Variants in MTA3 observed in about 807,000 individuals in gnomAD.
The protein encoded by MTA3 is metastasis-associated protein MTA3.
Under a neutral mutation model 83.5 loss-of-function variants are expected in MTA3, and 34 were observed. That is an observed-to-expected ratio of 0.41 (90% CI 0.31 to 0.54). The LOEUF is 0.54. Ranked by LOEUF, MTA3 falls within the 20% of genes least tolerant of loss-of-function variation. The probability of loss-of-function intolerance (pLI) is 0.33; values close to 1 mark genes in which losing one functional copy is unlikely to be tolerated. For synonymous variants in MTA3, 303 were observed against 252.7 expected (o/e 1.20, Z -1.89); for missense variants, 761 against 726.4 (o/e 1.05, Z -0.55).
chr2:42,600,550 G>A (rs565333310), intron 3 of MTA3, among the ~76,000 whole-genome samples: 3 of 142,588 alleles, frequency 2.1e-5, no homozygotes, highest in Non-Finnish European at 4.6e-5. Context: ...ATGTTTCTTT[G>A]TTTTGTTTTG....
intron 2 of MTA3, among the ~76,000 whole-genome samples, chr2:42,532,569 T>C (rs1022997010): frequency 6.6e-5 from 10 of 152,166 alleles, no homozygotes; most frequent in African/African-American, 2.2e-4. Context: ...CAGTAATTTG[T>C]TGCACAATAA....
At chr2:42,563,803 C>G (rs1032004475), upstream of MTA3, among the ~76,000 whole-genome samples, 30 of 148,002 alleles carry the variant, frequency 2.0e-4, no homozygotes, top group African/African-American at 7.3e-4. Flanking sequence ...TTCCTTCCTT[C>G]CTTCCTTCCT....
intron 7 of MTA3, among the ~76,000 whole-genome samples, chr2:42,657,026 A>G (rs1689233607): frequency 6.6e-6 from 1 of 151,862 alleles, no homozygotes; most frequent in African/African-American, 2.4e-5. Context: ...GTACAAAACT[A>G]TTTTATTAGT....
At chr2:42,712,346 G>A (rs933375631) in intron 14 of MTA3, among the ~76,000 whole-genome samples, 5 of 151,796 alleles carry the variant, frequency 3.3e-5, no homozygotes, top group Non-Finnish European at 7.4e-5. Flanking sequence ...CCCATGCTCT[G>A]GAGTGCAGTG....
Position 42,541,059 on chromosome 2 carries a change from T to G in MTA3, c.-140-29378T>G, listed in dbSNP as rs1359239843. Among the ~76,000 whole-genome samples the G allele has an allele frequency of 3.3e-5, 5 of 151,710 alleles. No individual in the cohort carries two copies. In the East Asian group the frequency reaches 7.8e-4, roughly 24 times the overall value. ...TTTTTTTTTTTTTTTGAGATGGAGT[T>G]TTGCTCTTGTTGCCCAGGCTGGAGT... On this transcript the variant is annotated intron_variant, in intron 2 of 17. Coordinates refer to the MTA3 transcript ENST00000405592.
At chr2:42,542,774 C>G (rs930396740) in intron 2 of MTA3, among the ~76,000 whole-genome samples, 1 of 151,948 alleles carries the variant, frequency 6.6e-6, no homozygotes, top group Non-Finnish European at 1.5e-5. Flanking sequence ...CCAGGCTGGT[C>G]TCAAACACCT....
Position 42,618,470 on chromosome 2 carries a change from T to TA in MTA3, c.317+8887dup, listed in dbSNP as rs1415383382. ...GTATGTTAAAAATTTTAAATAAACT[T>TA]ATGTGTATTTTCTGGTCATAAAAAC... is the stretch of plus-strand genomic sequence containing the variant. On this transcript the variant is annotated intron_variant, in intron 4 of 16. Transcript: ENST00000405094. Among the ~76,000 whole-genome samples the TA allele has an allele frequency of 3.3e-5, 5 of 152,316 alleles. No individual in the cohort carries two copies. In the East Asian group the frequency reaches 9.6e-4, roughly 29 times the overall value.
At chr2:42,605,875 TG>T (rs1221953734) in intron 3 of MTA3, among the ~76,000 whole-genome samples, 1 of 121,932 alleles carries the variant, frequency 8.2e-6, no homozygotes. Context: ...ACGGGGCGGT[TG>T]GCCGGGCAGA....
chr2:42,614,259 G>A (rs565455642), intron 4 of MTA3: 23 of 151,950 alleles, frequency 1.5e-4, no homozygotes, highest in African/African-American at 5.5e-4. Context: ...CAGCACACCC[G>A]GCTAATTTTG....
intron 2 of MTA3, among the ~76,000 whole-genome samples, chr2:42,523,929 GTAAA>G (rs1414965675): frequency 6.6e-6 from 1 of 151,592 alleles, no homozygotes; most frequent in Non-Finnish European, 1.5e-5. Flanking sequence ...AAATAAATAA[GTAAA>G]TAAATAAATA....
At chr2:42,739,214 T>C (rs1668837919) in intron 16 of MTA3, among the ~76,000 whole-genome samples, 1 of 152,104 alleles carries the variant, frequency 6.6e-6, no homozygotes. Context: ...AGCTTTAAAA[T>C]TTCTCTCTTT....
Position 42,756,944 on chromosome 2 carries a change from T to G in MTA3, c.*3545T>G, listed in dbSNP as rs1479148935. The G allele has an allele frequency of 2.0e-6, 2 of 985,426 alleles. No homozygotes were observed. Among genetic ancestry groups the G allele is most frequent in the Non-Finnish European group, 2.4e-6 (2 of 829,964 alleles). 61.0% of individuals were successfully genotyped at this position (985,426 alleles called of 1,614,324 possible). ...GTGTTTCCAATAAATTCCTGGAAAT[T>G]TTGCCTGGTTTTATGCTGTTCTTTA... On this transcript the variant is annotated 3_prime_UTR_variant, in exon 17 of 17. Coordinates refer to ENST00000405094, the MANE Select transcript of MTA3 (RefSeq NM_001330442.2).
At chr2:42,516,713 A>T (rs1375004412) in intron 2 of MTA3, among the ~76,000 whole-genome samples, 1 of 152,230 alleles carries the variant, frequency 6.6e-6, no homozygotes, top group East Asian at 1.9e-4. Context: ...AGAGAAAACA[A>T]AGAAGTCAAT....
chr2:42,495,065 G>T (rs1347585028), intron 1 of MTA3: 1 of 152,664 alleles, frequency 6.6e-6, no homozygotes, highest in African/African-American at 2.4e-5. Flanking sequence ...AAAAAATAAG[G>T]GTGGGGTAGG....
At chr2:42,543,398 G>A (rs545220255) in intron 2 of MTA3, among the ~76,000 whole-genome samples, 9 of 152,082 alleles carry the variant, frequency 5.9e-5, no homozygotes, top group Admixed American at 2.0e-4. Flanking sequence ...GGCTGGTCTC[G>A]AACTCCTGAC....
chr2:42,603,836 C>T (rs1449926725), intron 3 of MTA3, among the ~76,000 whole-genome samples: 3 of 151,954 alleles, frequency 2.0e-5, no homozygotes, highest in African/African-American at 4.8e-5. Context: ...CTGCAAGCCC[C>T]GCCTCCCGGC....
In MTA3 at chr2:42,744,008, C is replaced by G. The variant is rs79999239; in HGVS notation, c.1760-9366C>G. Among the ~76,000 whole-genome samples the G allele has an allele frequency of 9.9e-3, 1,509 of 152,320 alleles. 23 individuals are homozygous for G. The highest frequency in any genetic ancestry group is 0.035 in the African/African-American group (1,447 of 41,560). ...GAGTGTCCCTAGACTCACCTCTGCTCTCCTTGTCTCAAAGGGTAGTGTCAT... is the reference window on the plus strand; with the variant it reads ...GAGTGTCCCTAGACTCACCTCTGCTGTCCTTGTCTCAAAGGGTAGTGTCAT... On this transcript the variant is annotated intron_variant, in intron 16 of 16. Coordinates refer to ENST00000405094, the MANE Select transcript of MTA3 (RefSeq NM_001330442.2).
In MTA3 at chr2:42,753,617, G is replaced by T. The variant is rs556082340; in HGVS notation, c.*218G>T. ...TGGATCAGCAGCACCTCGCTTTCTT[G>T]TCAGAGACCTCGCTGTTACGGAGCG... is the stretch of plus-strand genomic sequence containing the variant. On this transcript the variant is annotated 3_prime_UTR_variant, in exon 17 of 17. Coordinates refer to ENST00000405094, the MANE Select transcript of MTA3 (RefSeq NM_001330442.2). 4 of 1,366,892 alleles carry T rather than the reference G, an allele frequency of 2.9e-6. No homozygotes were observed. The highest frequency in any genetic ancestry group is 5.9e-5 in the East Asian group (2 of 34,028). The allele number at this position is 1,366,892 out of a possible 1,614,324, so 84.7% of individuals were successfully genotyped here.
At chr2:42,714,062 C>T (rs975127137) in intron 14 of MTA3, among the ~76,000 whole-genome samples, 17 of 152,338 alleles carry the variant, frequency 1.1e-4, no homozygotes, top group Non-Finnish European at 2.2e-4. Context: ...TTCTCTAGAA[C>T]TTTGCTGGCA....
Sources: gnomAD v4.1 joint callset for allele counts (sites outside exome capture counted in the v4.1 genomes callset) on GRCh38, gnomAD v4.1.1 for gene constraint, MANE v1.5 for transcripts, NCBI Gene and HGNC (gene_info 2026-07-23, HGNC 2026-07-21) for gene names.